Variants in EBF2 observed in about 807,000 individuals in gnomAD.
EBF2 encodes the protein EBF transcription factor 2.
A neutral mutation model predicts 72.8 loss-of-function variants in EBF2; 21 were observed. That is an observed-to-expected ratio of 0.29 (90% CI 0.20 to 0.42). The LOEUF (loss-of-function observed/expected upper bound fraction) is 0.42. EBF2 is among the 10% of genes least tolerant of loss of function. The probability of loss-of-function intolerance (pLI) is 1.00; values close to 1 mark genes in which losing one functional copy is unlikely to be tolerated. For missense variants in EBF2, 637 were observed against 731.2 expected, an observed-to-expected ratio of 0.87 and a Z score of 1.49; for synonymous variants, 299 against 274.2, an observed-to-expected ratio of 1.09 and a Z score of -0.89.
At chr8:25,982,157 T>G (rs1804372620) in intron 6 of EBF2, among the ~76,000 whole-genome samples, 1 of 152,220 alleles carries the variant, frequency 6.6e-6, no homozygotes. Context: ...CACCTGGGCT[T>G]CAGTTCCCAT....
rs929778527 is a variant in EBF2, at chr8:25,842,757, A to G, written c.*1852T>C. Reference sequence around the variant, plus strand: ...TAATTCCAGAATGGGTTAAAGGCAAATAAGACAGTTGGGGCTGGATAGATG... The same window carrying G: ...TAATTCCAGAATGGGTTAAAGGCAAGTAAGACAGTTGGGGCTGGATAGATG... On this transcript the variant is annotated 3_prime_UTR_variant, in exon 16 of 16. Transcript: ENST00000520164. 6.6e-6 allele frequency: 1 copy of G among 152,244 alleles called. No individual in the cohort carries two copies. Among genetic ancestry groups the G allele is most frequent in the African/African-American group, 2.4e-5 (1 of 41,472 alleles). 9.4% of individuals were successfully genotyped at this position (152,244 alleles called of 1,614,324 possible).
chr8:26,018,115 T>G (rs1323610779), intron 6 of EBF2, among the ~76,000 whole-genome samples: 1 of 151,624 alleles, frequency 6.6e-6, no homozygotes, highest in Non-Finnish European at 1.5e-5. Flanking sequence ...TGGAAAAGTT[T>G]TTTTTTTTTT....
intron 6 of EBF2, among the ~76,000 whole-genome samples, chr8:26,011,227 G>T (rs1020225535): frequency 6.6e-6 from 1 of 152,166 alleles, no homozygotes; most frequent in Non-Finnish European, 1.5e-5. Flanking sequence ...TATTGATTAC[G>T]TTGCTAATCT....
At chr8:25,932,930 T>A (rs1803509203) in intron 6 of EBF2, among the ~76,000 whole-genome samples, 1 of 151,992 alleles carries the variant, frequency 6.6e-6, no homozygotes, top group Non-Finnish European at 1.5e-5. Context: ...CAATAACACA[T>A]AAAGAAGGTC....
rs146914591 is a variant in EBF2, at chr8:25,931,912, G to A, written c.552-23357C>T. 2.7e-3 allele frequency among the ~76,000 whole-genome samples: 414 copies of A among 152,148 alleles called. 1 individual carries two copies. Among genetic ancestry groups the A allele is most frequent in the Admixed American group, 6.8e-3 (104 of 15,284 alleles). Reference sequence around the variant, plus strand: ...TTATTATTAAATATATTTTTTTCATGTAGCAATAATAGTTATTGCTGCACT... The same window carrying A: ...TTATTATTAAATATATTTTTTTCATATAGCAATAATAGTTATTGCTGCACT... On this transcript the variant is annotated intron_variant, in intron 6 of 15. Transcript: ENST00000520164.
chr8:26,006,924 C>T (rs1177862848), intron 6 of EBF2, among the ~76,000 whole-genome samples: 1 of 152,136 alleles, frequency 6.6e-6, no homozygotes, highest in African/African-American at 2.4e-5. Flanking sequence ...CTCCTCTGAC[C>T]ATATTTACAT....
At chr8:25,947,116 G>A (rs1278049004) in intron 6 of EBF2, among the ~76,000 whole-genome samples, 1 of 152,156 alleles carries the variant, frequency 6.6e-6, no homozygotes, top group Non-Finnish European at 1.5e-5. Context: ...ATATGGTTTA[G>A]CTGTGTCTCC....
At chr8:25,899,975 C>G (rs1802924607) in intron 7 of EBF2, among the ~76,000 whole-genome samples, 1 of 152,138 alleles carries the variant, frequency 6.6e-6, no homozygotes, top group African/African-American at 2.4e-5. Context: ...TTCTTGCTTT[C>G]TCACAGGCCT....
chr8:25,888,031 G>A (rs1802720414), intron 8 of EBF2, 59 bp from the exon 9 acceptor site: 4 of 1,528,858 alleles, frequency 2.6e-6, no homozygotes, highest in Non-Finnish European at 3.5e-6. Context: ...CAACTTTTTG[G>A]CTTCCCAGGC....
At chr8:25,992,898 T>C (rs1300713223) in intron 6 of EBF2, among the ~76,000 whole-genome samples, 1 of 67,602 alleles carries the variant, frequency 1.5e-5, no homozygotes, top group Non-Finnish European at 2.8e-5. Context: ...TGAGGCCTTG[T>C]CTCAAAAAAA....
chr8:25,886,256 A>T (rs1178666082), intron 10 of EBF2, among the ~76,000 whole-genome samples: 1 of 152,226 alleles, frequency 6.6e-6, no homozygotes, highest in African/African-American at 2.4e-5. Flanking sequence ...TGGGGAAGGG[A>T]TCATGTCTTA....
chr8:25,886,584 A>G (rs1802692677), intron 10 of EBF2, among the ~76,000 whole-genome samples, 171 bp downstream of exon 10: 1 of 152,200 alleles, frequency 6.6e-6, no homozygotes, highest in South Asian at 2.1e-4. Context: ...GTAAAACACT[A>G]ATTGAGAAGT....
chr8:26,031,630 T>C (rs1236675464), intron 6 of EBF2: 1 of 151,726 alleles, frequency 6.6e-6, no homozygotes, highest in East Asian at 1.9e-4. Context: ...AAGTCTGGGG[T>C]CCACTATGTT....
At chr8:25,967,035 C>T (rs748337210) in intron 6 of EBF2, among the ~76,000 whole-genome samples, 26 of 152,114 alleles carry the variant, frequency 1.7e-4, no homozygotes, top group Non-Finnish European at 8.8e-5. Context: ...CTACAATAAA[C>T]GGAGAGAAGG....
chr8:26,017,927 A>G (rs1317687992), intron 6 of EBF2, among the ~76,000 whole-genome samples: 1 of 152,116 alleles, frequency 6.6e-6, no homozygotes, highest in East Asian at 1.9e-4. Context: ...AGGTTAATGC[A>G]TGCACTTGGC....
At chr8:25,947,751 T>C (rs1446540282) in intron 6 of EBF2, among the ~76,000 whole-genome samples, 1 of 152,224 alleles carries the variant, frequency 6.6e-6, no homozygotes, top group Non-Finnish European at 1.5e-5. Flanking sequence ...CTGCTGTTCC[T>C]TTCTTCCCTG....
chr8:25,933,429 C>A (rs538222799), intron 6 of EBF2, among the ~76,000 whole-genome samples: 1 of 152,308 alleles, frequency 6.6e-6, no homozygotes, highest in South Asian at 2.1e-4. Flanking sequence ...TGGGGACACA[C>A]AGGAATATGC....
At chr8:26,030,862 G>A (rs1805390199) in intron 6 of EBF2, among the ~76,000 whole-genome samples, 1 of 152,168 alleles carries the variant, frequency 6.6e-6, no homozygotes, top group Non-Finnish European at 1.5e-5. Flanking sequence ...AAGCATGCTA[G>A]CACAAACTAT....
intron 6 of EBF2, among the ~76,000 whole-genome samples, chr8:25,934,329 G>A (rs1028816462): frequency 1.2e-4 from 18 of 151,558 alleles, no homozygotes; most frequent in Non-Finnish European, 7.4e-5. Flanking sequence ...CAATACTTCA[G>A]GCCTTTAGAA....
Sources: gnomAD v4.1 joint callset for allele counts (sites outside exome capture counted in the v4.1 genomes callset) on GRCh38, gnomAD v4.1.1 for gene constraint, MANE v1.5 for transcripts, NCBI Gene and HGNC (gene_info 2026-07-23, HGNC 2026-07-21) for gene names.